The following MED16 variants were observed in gnomAD, a reference collection of about 807,000 sequenced individuals.
The protein encoded by MED16 is mediator of RNA polymerase II transcription subunit 16.
In MED16, 81 loss-of-function variants were observed where a neutral mutation model predicts 84.4. The observed-to-expected ratio is 0.96, with a 90% CI of 0.80 to 1.15. The LOEUF (loss-of-function observed/expected upper bound fraction) is 1.15. MED16 is among the 50% of genes most tolerant of loss of function. The probability of loss-of-function intolerance (pLI) is 0.00; values close to 1 mark genes in which losing one functional copy is unlikely to be tolerated. For missense variants in MED16, 1,585 were observed against 1,245.9 expected (o/e 1.27, Z -4.10); for synonymous variants, 897 against 552.2 (o/e 1.62, Z -8.76).
At position 890,876 on chromosome 19, in the gene MED16, T is replaced by G. The variant is rs1056435086; in HGVS notation, c.169+87A>C. On this transcript the variant is annotated intron_variant, in intron 2 of 15. Coordinates refer to ENST00000325464, the MANE Select transcript of MED16 (RefSeq NM_005481.3). ...GTGAGAGGTGGCCTGAGAGACCGAG[T>G]CCCTTCAAGGCAGTGGGCCGGGCAC... 4 of 1,410,598 alleles carry G rather than the reference T, an allele frequency of 2.8e-6. No individual in the cohort carries two copies. The African/African-American group carries it at 4.3e-5, about 15-fold the overall frequency. 87.4% of individuals were successfully genotyped at this position (1,410,598 alleles called of 1,614,324 possible).
At chr19:892,078 T>A (rs1377511565) in intron 1 of MED16, among the ~76,000 whole-genome samples, 1 of 151,774 alleles carries the variant, frequency 6.6e-6, no homozygotes, top group Non-Finnish European at 1.5e-5. Context: ...GGGCTGAGTG[T>A]CACAGGGAAC....
chr19:889,490 G>A lies in MED16; in HGVS notation c.447+148C>T, dbSNP rs570740335. ...ATGAGAGGCCACTGAACACACAGGTGCTAATGACAGCCGGACTGCAGGTGG... is the reference window on the plus strand; with the variant it reads ...ATGAGAGGCCACTGAACACACAGGTACTAATGACAGCCGGACTGCAGGTGG... On this transcript the variant is annotated intron_variant, in intron 4 of 15. Transcript: ENST00000325464. 55 of 834,240 alleles carry A rather than the reference G, an allele frequency of 6.6e-5. No individual in the cohort carries two copies. In the Admixed American group the frequency reaches 9.7e-4, roughly 15 times the overall value. 51.7% of individuals were successfully genotyped at this position (834,240 alleles called of 1,614,324 possible).
At chr19:870,081 C>T (rs2036009336) in intron 13 of MED16, among the ~76,000 whole-genome samples, 1 of 151,764 alleles carries the variant, frequency 6.6e-6, no homozygotes, top group Admixed American at 6.5e-5. Context: ...TGCAAGGTGA[C>T]CTCTTGCCCC....
chr19:882,406 A>G (rs1369319223), intron 6 of MED16, among the ~76,000 whole-genome samples: 2 of 152,160 alleles, frequency 1.3e-5, no homozygotes, highest in African/African-American at 4.8e-5. Flanking sequence ...ACACGCCTGT[A>G]GTCCCAGCTA....
At chr19:870,460 C>T (rs1215187682) in intron 13 of MED16, among the ~76,000 whole-genome samples, 3 of 151,296 alleles carry the variant, frequency 2.0e-5, no homozygotes, top group Non-Finnish European at 4.4e-5. Context: ...ACTGGGAAGG[C>T]TGAGGTAGGA....
chr19:880,534 C>G (rs1238284892), intron 7 of MED16, among the ~76,000 whole-genome samples: 7 of 152,116 alleles, frequency 4.6e-5, no homozygotes, highest in Non-Finnish European at 8.8e-5. Context: ...GTCACTCACA[C>G]TGGGGTCTGC....
intron 4 of MED16, among the ~76,000 whole-genome samples, chr19:887,146 G>A (rs1333544206): frequency 2.6e-5 from 4 of 151,922 alleles, no homozygotes; most frequent in Non-Finnish European, 5.9e-5. Flanking sequence ...GAAGAGAAGT[G>A]TATCATACGT....
chr19:878,631 G>A (rs1599330409), intron 8 of MED16, among the ~76,000 whole-genome samples: 1 of 123,958 alleles, frequency 8.1e-6, no homozygotes, highest in African/African-American at 3.2e-5. Flanking sequence ...CACAACCCCA[G>A]CCCCACGTGC....
In MED16 at chr19:868,139, TG is replaced by T; in HGVS notation, c.2595del (p.Arg866AspfsTer23). 6.2e-7 allele frequency: 1 copy of T among 1,611,734 alleles called. No homozygotes were observed. Among genetic ancestry groups the T allele is most frequent in the Non-Finnish European group, 8.5e-7 (1 of 1,179,566 alleles). ...PQSTHHSPRT[P>X]RSLDHLHPED... ...TCTGGATGCAGATGGTCCAGGGATC[TG>T]GGGGTCCTGGGAGAGTGGTGTGTGG... On this transcript the variant is annotated frameshift_variant, in exon 16 of 16. Transcript: ENST00000325464. LOFTEE classifies it high-confidence loss of function.
intron 10 of MED16, 82 bp downstream of exon 10, chr19:875,162 T>C: frequency 9.9e-7 from 1 of 1,012,614 alleles, no homozygotes; most frequent in Non-Finnish European, 1.4e-6. Flanking sequence ...AGACCCTATC[T>C]CAAAAGAGTA....
intron 13 of MED16, among the ~76,000 whole-genome samples, chr19:870,664 G>A (rs564726752): frequency 9.2e-5 from 14 of 152,074 alleles, no homozygotes; most frequent in East Asian, 1.9e-4. Context: ...AGGGGATGGA[G>A]TTAGGGGCAC....
intron 10 of MED16, among the ~76,000 whole-genome samples, chr19:874,002 T>C (rs1255767244): frequency 6.6e-6 from 1 of 152,142 alleles, no homozygotes; most frequent in Non-Finnish European, 1.5e-5. Flanking sequence ...CAGATGCCTC[T>C]CGGATGGTGA....
At chr19:869,096 G>A (rs1196469452) in intron 13 of MED16, 150 bp from the exon 14 acceptor site, 1 of 691,390 alleles carries the variant, frequency 1.4e-6, no homozygotes, top group Non-Finnish European at 2.3e-6. Context: ...AGTGAGGTGG[G>A]AGGTGCGGGA....
intron 5 of MED16, 64 bp from the exon 6 acceptor site, chr19:885,072 G>A: frequency 7.6e-6 from 10 of 1,319,888 alleles, no homozygotes; most frequent in Non-Finnish European, 1.1e-5. Flanking sequence ...CACCACCGGA[G>A]CCTGAGCTGC....
At chr19:883,436 G>A (rs1157795479) in intron 6 of MED16, among the ~76,000 whole-genome samples, 1 of 148,746 alleles carries the variant, frequency 6.7e-6, no homozygotes, top group Non-Finnish European at 1.5e-5. Flanking sequence ...GTGGGGCGGT[G>A]CGTGAAGAGC....
At chr19:890,841 G>T in intron 2 of MED16, 122 bp downstream of exon 2, 4 of 1,086,766 alleles carry the variant, frequency 3.7e-6, no homozygotes, top group South Asian at 1.6e-5. Context: ...ACAGAGGAGG[G>T]CCAGGGTGAG....
Position 877,144 on chromosome 19 carries a change from G to A in MED16, c.1390C>T (p.Pro464Ser). 6.2e-7 allele frequency: 1 copy of A among 1,612,028 alleles called. No homozygotes were observed. The highest frequency in any genetic ancestry group is 8.5e-7 in the Non-Finnish European group (1 of 1,179,720). The change falls in exon 9 of 16, where the codon CCG becomes TCG. Residue 464 changes from proline to serine, a missense_variant. Coordinates refer to ENST00000325464, the MANE Select transcript of MED16 (RefSeq NM_005481.3). ...CGCAGCGCCAGCCCCACCTCCAGCG[G>A]GTGGCCCATGGAAGGTGAGAGGCGG... ...VLRLSPSMGH[P>S]LEVGLALRHL...
At chr19:874,825 G>C (rs2036189901) in intron 10 of MED16, among the ~76,000 whole-genome samples, 1 of 151,852 alleles carries the variant, frequency 6.6e-6, no homozygotes, top group African/African-American at 2.4e-5. Context: ...AGCTGGGACT[G>C]CGTCACCGTG....
At chr19:888,542 A>C (rs1233817090) in intron 4 of MED16, among the ~76,000 whole-genome samples, 2 of 151,622 alleles carry the variant, frequency 1.3e-5, no homozygotes, top group African/African-American at 4.8e-5. Context: ...AAAAAAAAAA[A>C]AGATAAAGGT....
Sources: gnomAD v4.1 joint callset for allele counts (sites outside exome capture counted in the v4.1 genomes callset) on GRCh38, gnomAD v4.1.1 for gene constraint, MANE v1.5 for transcripts, NCBI Gene and HGNC (gene_info 2026-07-23, HGNC 2026-07-21) for gene names.